Variants in CCDC181 observed in about 807,000 individuals in gnomAD.
CCDC181 encodes the protein coiled-coil domain containing 181.
In CCDC181, 35 loss-of-function variants were observed where a neutral mutation model predicts 58.7. That is an observed-to-expected ratio of 0.60 (90% CI 0.46 to 0.79). The LOEUF (loss-of-function observed/expected upper bound fraction) is 0.79, where lower values mean the gene tolerates loss of function less well. CCDC181 is among the 30% of genes least tolerant of loss of function. CCDC181 has a pLI of 0.00. For missense variants in CCDC181, 517 were observed against 583.9 expected, an observed-to-expected ratio of 0.89 and a Z score of 1.18; for synonymous variants, 183 against 197.5, an observed-to-expected ratio of 0.93 and a Z score of 0.62.
In CCDC181 at chr1:169,395,070, G is replaced by T; in HGVS notation, c.1507C>A (p.Arg503Ser). 6.3e-7 allele frequency: 1 copy of T among 1,598,790 alleles called. No homozygotes were observed. Among genetic ancestry groups the T allele is most frequent in the Non-Finnish European group, 8.5e-7 (1 of 1,174,630 alleles). The change falls in exon 6 of 6, where the codon CGT (arginine) becomes AGT (serine). Residue 503 changes from arginine to serine, a missense_variant. Arg to Ser is a moderately radical substitution (Grantham distance 110). Transcript: ENST00000367806. ...TTTCAGTTATAATGATCAGTAAAAC[G>T]AAAAGGTTTGGCTTCTGACATATAT... ...HLYMSEAKPF[R>S]FTDHYN
intron 2 of CCDC181, among the ~76,000 whole-genome samples, chr1:169,424,428 T>C (rs538055680): frequency 1.3e-5 from 2 of 152,050 alleles, no homozygotes; most frequent in East Asian, 3.9e-4. Context: ...TTATTTTTCA[T>C]TTATTTTAAT....
At chr1:169,418,477 G>T in intron 4 of CCDC181, among the ~76,000 whole-genome samples, 2 of 151,108 alleles carry the variant, frequency 1.3e-5, no homozygotes, top group Non-Finnish European at 2.9e-5. Context: ...AGGAGCTTAG[G>T]GTTAAATTTT....
chr1:169,423,746 T>C (rs1480323116), intron 2 of CCDC181, among the ~76,000 whole-genome samples: 1 of 151,970 alleles, frequency 6.6e-6, no homozygotes, highest in East Asian at 1.9e-4. Flanking sequence ...ACCCTTCCAG[T>C]CTTGAGAAAT....
At chr1:169,405,814 TAA>T (rs1350592081) in intron 4 of CCDC181, among the ~76,000 whole-genome samples, 2 of 152,028 alleles carry the variant, frequency 1.3e-5, no homozygotes, top group Non-Finnish European at 2.9e-5. Context: ...GGGATCTAAT[TAA>T]AATAAAGAGC....
At chr1:169,457,421 A>G (rs1468931524) in intron 2 of CCDC181, among the ~76,000 whole-genome samples, 1 of 152,042 alleles carries the variant, frequency 6.6e-6, no homozygotes, top group African/African-American at 2.4e-5. Context: ...TTAATCTCCT[A>G]TCTCATTGCT....
At chr1:169,432,107 G>A (rs1656936053), upstream of CCDC181, among the ~76,000 whole-genome samples, 1 of 151,992 alleles carries the variant, frequency 6.6e-6, no homozygotes, top group African/African-American at 2.4e-5. Context: ...TGGAGAAAGT[G>A]AAGAAAATAA....
chr1:169,411,900 T>A (rs1013128849), intron 4 of CCDC181, among the ~76,000 whole-genome samples: 2 of 152,194 alleles, frequency 1.3e-5, no homozygotes, highest in African/African-American at 4.8e-5. Flanking sequence ...GAGCTATTTA[T>A]GACAAATCCA....
At position 169,425,078 on chromosome 1, in the gene CCDC181, T is replaced by C. The variant is rs370710028; in HGVS notation, c.-23-128A>G. On this transcript the variant is annotated intron_variant, in intron 1 of 5. Transcript: ENST00000367806. ...CAAAATAGAATGTTCAAAATGAACA[T>C]GCACTTGAATACACCATGAAAGAGA... The C allele has an allele frequency of 1.6e-5, 7 of 451,530 alleles. No homozygotes were observed. In the East Asian group the frequency reaches 1.9e-4, roughly 13 times the overall value. 28.0% of individuals were successfully genotyped at this position (451,530 alleles called of 1,614,324 possible).
At chr1:169,431,724 G>T (rs1656924477), upstream of CCDC181, among the ~76,000 whole-genome samples, 1 of 152,128 alleles carries the variant, frequency 6.6e-6, no homozygotes, top group Admixed American at 6.6e-5. Flanking sequence ...ACTTGCAGGA[G>T]CAGCTTTAAC....
intron 2 of CCDC181, among the ~76,000 whole-genome samples, chr1:169,450,854 C>G (rs767032398): frequency 1.8e-4 from 27 of 152,266 alleles, no homozygotes; most frequent in Non-Finnish European, 2.1e-4. Context: ...ATACTGCTAT[C>G]TCATTGGCAT....
Position 169,419,084 on chromosome 1 carries a change from T to C in CCDC181, c.1144A>G (p.Lys382Glu). ...NDIVFKAWLQ[K>E]KREQVLEMRR... Reference sequence around the variant, plus strand: ...ATTTCTAAGACCTGCTCTCTTTTCTTTTGCAACCACGCTTTAAATACTATG... The same window carrying C: ...ATTTCTAAGACCTGCTCTCTTTTCTCTTGCAACCACGCTTTAAATACTATG... The change falls in exon 4 of 6, where the codon AAG becomes GAG. Residue 382 changes from lysine (K) to glutamate (E), a missense_variant. Transcript: ENST00000367806. The C allele has an allele frequency of 6.2e-7, 1 of 1,613,784 alleles. No individual in the cohort carries two copies. The highest frequency in any genetic ancestry group is 8.5e-7 in the Non-Finnish European group (1 of 1,179,956).
intron 2 of CCDC181, among the ~76,000 whole-genome samples, chr1:169,459,568 TAGC>T (rs761864755): frequency 9.2e-5 from 14 of 151,920 alleles, no homozygotes; most frequent in East Asian, 3.9e-4. Context: ...GCAGAGAAAA[TAGC>T]AGGGTGAGGA....
chr1:169,420,705 G>A (rs1053056665), intron 3 of CCDC181, among the ~76,000 whole-genome samples: 11 of 152,050 alleles, frequency 7.2e-5, no homozygotes, highest in African/African-American at 2.4e-4. Context: ...GTAAAACAAA[G>A]AATTGGAGCA....
chr1:169,412,108 A>G (rs1277003316), intron 4 of CCDC181, among the ~76,000 whole-genome samples: 1 of 152,230 alleles, frequency 6.6e-6, no homozygotes, highest in African/African-American at 2.4e-5. Flanking sequence ...TGCAGATGAT[A>G]TTATTGTATG....
chr1:169,437,505 G>A (rs1657089717), intron 2 of CCDC181, among the ~76,000 whole-genome samples: 1 of 152,194 alleles, frequency 6.6e-6, no homozygotes, highest in Admixed American at 6.5e-5. Context: ...GAAACAAGGT[G>A]GAGTCGGTTA....
upstream of CCDC181, among the ~76,000 whole-genome samples, chr1:169,429,198 C>G (rs1376324930): frequency 1.3e-5 from 2 of 152,170 alleles, no homozygotes; most frequent in Non-Finnish European, 2.9e-5. Flanking sequence ...TCTTTATCCA[C>G]TCGTTGGTTG....
intron 2 of CCDC181, chr1:169,454,464 GA>G (rs1486581918): frequency 6.6e-6 from 1 of 151,918 alleles, no homozygotes; most frequent in African/African-American, 2.4e-5. Context: ...TATATTGGGG[GA>G]TTAATCAGAC....
In CCDC181 at chr1:169,419,232, T is replaced by C. The variant is rs1656356981; in HGVS notation, c.1069-73A>G. ...TATGAGTTATCAGAGTAGAGAGATA[T>C]ATTTTGAGATCTGAAATTAGGATTC... On this transcript the variant is annotated intron_variant, in intron 3 of 5. Transcript: ENST00000367806. 17 of 1,412,204 alleles carry C rather than the reference T, an allele frequency of 1.2e-5. 1 individual carries two copies. In the South Asian group the frequency reaches 2.3e-4, roughly 19 times the overall value. 87.5% of individuals were successfully genotyped at this position (1,412,204 alleles called of 1,614,324 possible). A position where few individuals can be genotyped will look rare whatever the true frequency, so the allele number is the denominator to read the frequency against.
At chr1:169,430,240 G>T (rs1026307530), upstream of CCDC181, among the ~76,000 whole-genome samples, 7 of 152,212 alleles carry the variant, frequency 4.6e-5, no homozygotes, top group African/African-American at 1.7e-4. Context: ...CTCCAGATTT[G>T]TTCTTCTTGC....
Sources: gnomAD v4.1 joint callset for allele counts (sites outside exome capture counted in the v4.1 genomes callset) on GRCh38, gnomAD v4.1.1 for gene constraint, MANE v1.5 for transcripts, NCBI Gene and HGNC (gene_info 2026-07-23, HGNC 2026-07-21) for gene names.